The following MAP2K6 variants were observed in gnomAD, a reference collection of about 807,000 sequenced individuals.
MAP2K6 encodes the protein dual specificity mitogen-activated protein kinase kinase 6.
A neutral mutation model predicts 53.7 loss-of-function variants in MAP2K6; 16 were observed. That is an observed-to-expected ratio of 0.30 (90% CI 0.20 to 0.45). The LOEUF is 0.45. Among genes scored for constraint, MAP2K6 ranks in the 20% least tolerant of loss-of-function variants. The pLI is 1.00. For missense variants in MAP2K6, 204 were observed against 411.9 expected (o/e 0.50, Z 4.37); for synonymous variants, 132 against 143.1 (o/e 0.92, Z 0.55).
chr17:69,475,164 GTTTTTTTTT>G (rs775528883), intron 1 of MAP2K6, among the ~76,000 whole-genome samples: 2 of 111,652 alleles, frequency 1.8e-5, no homozygotes, highest in African/African-American at 7.5e-5. Context: ...TGAAATCTGT[GTTTTTTTTT>G]TTTTTTTTTT....
chr17:69,505,558 A>G (rs1044522550), intron 1 of MAP2K6: 3 of 456,616 alleles, frequency 6.6e-6, no homozygotes, highest in East Asian at 7.8e-5. Context: ...CCCTGGACTA[A>G]TGAAAAACCT....
Position 69,492,879 on chromosome 17 carries a change from C to T in MAP2K6, c.17-12901C>T, listed in dbSNP as rs187336691. On this transcript the variant is annotated intron_variant, in intron 1 of 11. Coordinates refer to ENST00000590474, the MANE Select transcript of MAP2K6 (RefSeq NM_002758.4). Reference sequence around the variant, plus strand: ...TAGGATATGGGCATGAACTTGGGAACCATCCTCAGCCTAGCCCACTCAGTA... The same window carrying T: ...TAGGATATGGGCATGAACTTGGGAATCATCCTCAGCCTAGCCCACTCAGTA... Among the ~76,000 whole-genome samples, 208 of 152,284 alleles carry T rather than the reference C, an allele frequency of 1.4e-3. 1 individual carries two copies. Among genetic ancestry groups the T allele is most frequent in the Middle Eastern group, 0.01 (3 of 294 alleles).
chr17:69,466,684 A>G (rs543852710), intron 1 of MAP2K6, among the ~76,000 whole-genome samples: 1 of 152,250 alleles, frequency 6.6e-6, no homozygotes, highest in African/African-American at 2.4e-5. Context: ...GAAACAGGTT[A>G]TACTGGGTGG....
chr17:69,493,995 AAGTG>A (rs911273857), intron 1 of MAP2K6, among the ~76,000 whole-genome samples: 179 of 152,330 alleles, frequency 1.2e-3, no homozygotes, highest in African/African-American at 4.1e-3. Flanking sequence ...AATTAAAAGT[AAGTG>A]AGGCCACCTG....
At chr17:69,439,552 T>C (rs941481575) in intron 1 of MAP2K6, among the ~76,000 whole-genome samples, 2 of 152,192 alleles carry the variant, frequency 1.3e-5, no homozygotes, top group Non-Finnish European at 2.9e-5. Context: ...GGAGGTCAAA[T>C]TGCTTTTCTA....
chr17:69,508,763 T>C (rs1265895553), intron 2 of MAP2K6, among the ~76,000 whole-genome samples: 1 of 152,248 alleles, frequency 6.6e-6, no homozygotes, highest in Non-Finnish European at 1.5e-5. Context: ...TTTAAGCCCA[T>C]GGTCCATTTT....
At chr17:69,416,471 G>C (rs755169761) in intron 1 of MAP2K6, among the ~76,000 whole-genome samples, 17 of 152,172 alleles carry the variant, frequency 1.1e-4, no homozygotes, top group Admixed American at 2.0e-4. Context: ...TCCATGCTTT[G>C]ATGTATTAAA....
chr17:69,485,348 GC>G (rs1908493142), intron 1 of MAP2K6: 1 of 272,048 alleles, frequency 3.7e-6, no homozygotes, highest in Non-Finnish European at 5.6e-6. Flanking sequence ...AACGGAGGAG[GC>G]CTTTAGAAGA....
chr17:69,546,910 A>G lies in MAP2K6; in HGVS notation c.*5157A>G, dbSNP rs375039103. On this transcript the variant is annotated 3_prime_UTR_variant, in exon 12 of 12. Transcript: ENST00000590474. ...TTTTCAATTAGGCCTCTGAAAATTT[A>G]CATAGTCAGATGGAAAAATGCCAGA... 2.6e-5 allele frequency: 4 copies of G among 151,982 alleles called. No homozygotes were observed. The East Asian group carries it at 7.7e-4, about 29-fold the overall frequency. The allele number at this position is 151,982 out of a possible 1,614,324, so 9.4% of individuals were successfully genotyped here.
rs1169617301 is a variant in MAP2K6, at chr17:69,544,292, C to T, written c.*2539C>T. 6.6e-6 allele frequency: 1 copy of T among 152,120 alleles called. No individual in the cohort carries two copies. The highest frequency in any genetic ancestry group is 1.5e-5 in the Non-Finnish European group (1 of 68,016). The allele number at this position is 152,120 out of a possible 1,614,324, so 9.4% of individuals were successfully genotyped here. A position where few individuals can be genotyped will look rare whatever the true frequency, so the allele number is the denominator to read the frequency against. ...TTCCCCAGAGAAGCAATATTTTGCA[C>T]TGTTATTAAATATCTTACACGGTAA... is the stretch of plus-strand genomic sequence containing the variant. On this transcript the variant is annotated 3_prime_UTR_variant, in exon 12 of 12. Coordinates refer to ENST00000590474, the MANE Select transcript of MAP2K6 (RefSeq NM_002758.4).
chr17:69,476,852 G>A (rs974409061), intron 1 of MAP2K6, among the ~76,000 whole-genome samples: 5 of 152,170 alleles, frequency 3.3e-5, no homozygotes, highest in Admixed American at 2.6e-4. Flanking sequence ...CTAGGTCATT[G>A]CTAAGAGAAA....
rs150462125 is a variant in MAP2K6 at position 69,518,423 on chromosome 17, C to T, written c.246+810C>T. On this transcript the variant is annotated intron_variant, in intron 4 of 11. Transcript: ENST00000590474. ...GAATTGCCTCTGAAAATCAAGAAACCAGAATTGGGAGAGAAAATTGTCTCC... is the reference window on the plus strand; with the variant it reads ...GAATTGCCTCTGAAAATCAAGAAACTAGAATTGGGAGAGAAAATTGTCTCC... 6.2e-3 allele frequency among the ~76,000 whole-genome samples: 950 copies of T among 152,074 alleles called. 4 individuals are homozygous for T. The highest frequency in any genetic ancestry group is 0.011 in the South Asian group (53 of 4,804).
Position 69,414,978 on chromosome 17 carries a change from G to A in MAP2K6, c.-7G>A, listed in dbSNP as rs1905853084. Reference sequence around the variant, plus strand: ...TGCTCCCCTCCCCCATCAAAGGAAAGGGGAAAATGTCTCAGTCGAAAGGTA... The same window carrying A: ...TGCTCCCCTCCCCCATCAAAGGAAAAGGGAAAATGTCTCAGTCGAAAGGTA... On this transcript the variant is annotated 5_prime_UTR_variant, in exon 1 of 12. Transcript: ENST00000590474. 6.4e-7 allele frequency: 1 copy of A among 1,553,556 alleles called. No homozygotes were observed. Among genetic ancestry groups the A allele is most frequent in the Non-Finnish European group, 8.9e-7 (1 of 1,124,978 alleles).
At chr17:69,485,696 A>C (rs1437306225) in intron 1 of MAP2K6, among the ~76,000 whole-genome samples, 2 of 152,132 alleles carry the variant, frequency 1.3e-5, no homozygotes, top group Non-Finnish European at 2.9e-5. Context: ...CTTGTCTTAA[A>C]GAGAGACATC....
At chr17:69,474,654 T>G (rs563720670) in intron 1 of MAP2K6, among the ~76,000 whole-genome samples, 12 of 152,246 alleles carry the variant, frequency 7.9e-5, no homozygotes, top group Non-Finnish European at 1.6e-4. Context: ...CTGGACAAGT[T>G]GATCTCTTTC....
At chr17:69,538,039 A>T (rs1021342161) in intron 11 of MAP2K6, among the ~76,000 whole-genome samples, 4 of 151,874 alleles carry the variant, frequency 2.6e-5, no homozygotes, top group Admixed American at 6.6e-5. Flanking sequence ...TTTATATTTT[A>T]ATTTTTATTT....
chr17:69,434,694 T>C (rs1239517185), intron 1 of MAP2K6: 1 of 152,240 alleles, frequency 6.6e-6, no homozygotes, highest in East Asian at 1.9e-4. Context: ...TTTTCCACTT[T>C]CTTTTTTTTA....
intron 1 of MAP2K6, among the ~76,000 whole-genome samples, chr17:69,470,501 A>G (rs1907952473): frequency 6.6e-6 from 1 of 152,204 alleles, no homozygotes; most frequent in South Asian, 2.1e-4. Flanking sequence ...GGATGAATCC[A>G]GAGCCAGCAG....
At chr17:69,495,890 A>G (rs1303832263) in intron 1 of MAP2K6, among the ~76,000 whole-genome samples, 2 of 152,110 alleles carry the variant, frequency 1.3e-5, no homozygotes, top group Admixed American at 1.3e-4. Flanking sequence ...ATCAATGCTA[A>G]TGAGTGAAGC....
Sources: gnomAD v4.1 joint callset for allele counts (sites outside exome capture counted in the v4.1 genomes callset) on GRCh38, gnomAD v4.1.1 for gene constraint, MANE v1.5 for transcripts, NCBI Gene and HGNC (gene_info 2026-07-23, HGNC 2026-07-21) for gene names.